The following ANAPC7 variants were observed in gnomAD, a reference collection of about 807,000 sequenced individuals.
ANAPC7 encodes anaphase promoting complex subunit 7, also known as anaphase-promoting complex subunit 7.
A neutral mutation model predicts 63.3 loss-of-function variants in ANAPC7; 25 were observed. The ratio of observed to expected loss-of-function variants is 0.39; its 90% CI spans 0.29 to 0.55. The LOEUF (loss-of-function observed/expected upper bound fraction) is 0.55, where lower values mean the gene tolerates loss of function less well. Among genes scored for constraint, ANAPC7 ranks in the 20% least tolerant of loss-of-function variants. ANAPC7 has a pLI of 0.57. For missense variants in ANAPC7, 516 were observed against 691.7 expected, an observed-to-expected ratio of 0.75 and a Z score of 2.85; for synonymous variants, 241 against 251.7, an observed-to-expected ratio of 0.96 and a Z score of 0.40.
intron 3 of ANAPC7, among the ~76,000 whole-genome samples, chr12:110,392,549 A>G (rs1459109379): frequency 6.6e-6 from 1 of 152,208 alleles, no homozygotes; most frequent in African/African-American, 2.4e-5. Flanking sequence ...AAGTTGCACA[A>G]AACAGTTTTT....
chr12:110,392,942 T>C (rs190147020), intron 3 of ANAPC7, among the ~76,000 whole-genome samples: 44 of 152,256 alleles, frequency 2.9e-4, no homozygotes, highest in African/African-American at 9.4e-4. Context: ...ATTACAGGCA[T>C]GCGCCACCAC....
chr12:110,374,449 AAGCCTGGC>A, intron 10 of ANAPC7, 116 bp from the exon 11 acceptor site: 1 of 978,614 alleles, frequency 1.0e-6, no homozygotes, highest in Non-Finnish European at 1.5e-6. Context: ...AAATGTGCTA[AAGCCTGGC>A]CTCTCCAAAC....
Position 110,401,678 on chromosome 12 carries a change from G to A in ANAPC7, c.101+1849C>T, listed in dbSNP as rs553960135. Among the ~76,000 whole-genome samples, 32 of 152,098 alleles carry A rather than the reference G, an allele frequency of 2.1e-4. 1 individual carries two copies. In the South Asian group the frequency reaches 6.4e-3, roughly 31 times the overall value. On this transcript the variant is annotated intron_variant, in intron 1 of 10. Coordinates refer to ENST00000455511, the MANE Select transcript of ANAPC7 (RefSeq NM_016238.3). ...GGCCGAGGCGGCGGGATCACCAGAGGTCAGGAGTTGAAGACCAGACTGGTC... is the reference window on the plus strand; with the variant it reads ...GGCCGAGGCGGCGGGATCACCAGAGATCAGGAGTTGAAGACCAGACTGGTC...
chr12:110,374,166 T>G lies in ANAPC7; in HGVS notation c.1676A>C (p.Glu559Ala), dbSNP rs771964665. ...DSEAAQWADQ[E>A]QWFGMQ is the part of the protein sequence containing the mutation. Reference sequence around the variant, plus strand: ...CCCTCACTGCATGCCGAACCACTGCTCCTGGTCAGCCCACTGGGCCGCCTC... The same window carrying G: ...CCCTCACTGCATGCCGAACCACTGCGCCTGGTCAGCCCACTGGGCCGCCTC... Residue 559 changes from glutamate to alanine, a missense_variant, in exon 11 of 11, where the codon GAG (glutamate) becomes GCG (alanine). By Grantham distance (107) the Glu-to-Ala change is moderately radical (BLOSUM62 -1). Coordinates refer to ENST00000455511, the MANE Select transcript of ANAPC7 (RefSeq NM_016238.3). 2 of 1,612,718 alleles carry G rather than the reference T, an allele frequency of 1.2e-6. No individual in the cohort carries two copies. Among genetic ancestry groups the G allele is most frequent in the Non-Finnish European group, 1.7e-6 (2 of 1,179,942 alleles).
At chr12:110,382,455 A>ATATATATACATATATATAT (rs1306028353) in intron 7 of ANAPC7, among the ~76,000 whole-genome samples, 2 of 70,492 alleles carry the variant, frequency 2.8e-5, no homozygotes, top group African/African-American at 1.2e-4. Context: ...AAAAAAAAAA[A>ATATATATACATATATATAT]AAAAAAATAT....
In ANAPC7 at chr12:110,386,605, G is replaced by C. The variant is rs1378268121; in HGVS notation, c.675-136C>G. The C allele has an allele frequency of 7.0e-6, 6 of 857,938 alleles. No individual in the cohort carries two copies. In the Admixed American group the frequency reaches 8.7e-5, roughly 12 times the overall value. 53.1% of individuals were successfully genotyped at this position (857,938 alleles called of 1,614,324 possible). ...AATTCTTCGTAATAAAAAACTTTAA[G>C]CTTATGACTTTAAAAAAAGTTATAT... On this transcript the variant is annotated intron_variant, in intron 5 of 10. Transcript: ENST00000455511.
intron 7 of ANAPC7, among the ~76,000 whole-genome samples, 159 bp downstream of exon 7, chr12:110,382,684 C>T (rs1238874863): frequency 1.3e-5 from 2 of 151,588 alleles, no homozygotes; most frequent in African/African-American, 4.8e-5. Flanking sequence ...ATCCACCTGT[C>T]TCAGTCTCCC....
At chr12:110,393,951 T>TCA (rs2137975636) in intron 3 of ANAPC7, among the ~76,000 whole-genome samples, 2 of 143,416 alleles carry the variant, frequency 1.4e-5, no homozygotes, top group East Asian at 4.3e-4. Context: ...GGCAGGCGAA[T>TCA]CACAAAGTCA....
intron 1 of ANAPC7, among the ~76,000 whole-genome samples, chr12:110,401,140 C>G (rs983395717): frequency 1.3e-5 from 2 of 152,208 alleles, no homozygotes; most frequent in Admixed American, 6.5e-5. Context: ...GGACTTTTCC[C>G]TTCTGACCTA....
chr12:110,384,073 G>T (rs1271395849), intron 6 of ANAPC7, among the ~76,000 whole-genome samples: 1 of 151,058 alleles, frequency 6.6e-6, no homozygotes, highest in East Asian at 2.0e-4. Context: ...ACAGTGGCAG[G>T]CGCCTGTAAT....
In ANAPC7 at chr12:110,376,801, A is replaced by G. The variant is rs144994558; in HGVS notation, c.1358-585T>C. On this transcript the variant is annotated intron_variant, in intron 9 of 10. Transcript: ENST00000455511. The stretch of plus-strand genomic sequence containing the variant: ...AATCAGTTAGTTATATTCAGCTCCA[A>G]CTAATTCAGGACAACTCAAACCAGA... 1.4e-3 allele frequency among the ~76,000 whole-genome samples: 206 copies of G among 151,740 alleles called. 1 individual carries two copies. The highest frequency in any genetic ancestry group is 6.9e-3 in the Middle Eastern group (2 of 290).
intron 1 of ANAPC7, among the ~76,000 whole-genome samples, chr12:110,398,757 C>T (rs910498011): frequency 3.3e-5 from 5 of 151,998 alleles, no homozygotes; most frequent in African/African-American, 1.2e-4. Context: ...CAGGACCTGA[C>T]CAACATGGAG....
chr12:110,400,490 C>T (rs898168859), intron 1 of ANAPC7, among the ~76,000 whole-genome samples: 1 of 152,136 alleles, frequency 6.6e-6, no homozygotes, highest in African/African-American at 2.4e-5. Context: ...AGGAAACTGC[C>T]AATCTAACCC....
At position 110,387,842 on chromosome 12, in the gene ANAPC7, T is replaced by C; in HGVS notation, c.571A>G (p.Asn191Asp). The change falls in exon 5 of 11, where the codon AAT (asparagine) becomes GAT (aspartate). Residue 191 changes from asparagine (N) to aspartate (D), a missense_variant. Asn to Asp is a conservative substitution (Grantham distance 23, BLOSUM62 1). This residue lies in a region of ANAPC7 where 199 missense variants were observed against 249.3 expected (regional missense o/e 0.80). Coordinates refer to ENST00000455511, the MANE Select transcript of ANAPC7 (RefSeq NM_016238.3). The part of the protein sequence containing the change: ...KGAEVASMTM[N>D]VIQTVPNLDW... ...AAGTTAGGCACGGTTTGGATCACAT[T>C]CATTGTCATGGATGCCACCTCTGCC... 1 of 1,614,142 alleles carries C rather than the reference T, an allele frequency of 6.2e-7. No homozygotes were observed. Among genetic ancestry groups the C allele is most frequent in the Non-Finnish European group, 8.5e-7 (1 of 1,180,022 alleles).
intron 1 of ANAPC7, among the ~76,000 whole-genome samples, chr12:110,402,407 G>C (rs1033100559): frequency 1.3e-5 from 2 of 151,248 alleles, no homozygotes; most frequent in Non-Finnish European, 2.9e-5. Context: ...TCGGCTCACT[G>C]CAAGCTCCGC....
At chr12:110,387,997 C>A in intron 4 of ANAPC7, 105 bp from the exon 5 acceptor site, 1 of 1,242,836 alleles carries the variant, frequency 8.0e-7, no homozygotes. Context: ...GCAACTGCTT[C>A]CCTATTCTGA....
At chr12:110,381,146 A>G (rs750337645) in intron 8 of ANAPC7, among the ~76,000 whole-genome samples, 2 of 152,086 alleles carry the variant, frequency 1.3e-5, no homozygotes, top group Non-Finnish European at 2.9e-5. Context: ...ATGGGGTGAC[A>G]AATCCAGTGA....
chr12:110,396,275 T>C lies in ANAPC7; in HGVS notation c.279A>G (p.Pro93=). 1 of 1,608,808 alleles carries C rather than the reference T, an allele frequency of 6.2e-7. No individual in the cohort carries two copies. Among genetic ancestry groups the C allele is most frequent in the Non-Finnish European group, 8.5e-7 (1 of 1,178,196 alleles). ...RPSTGNSAST[P]QSQCLPSEIE... Reference sequence around the variant, plus strand: ...TTCTATCTCCAATTACCTGACTTTGTGGAGTAGATGCAGAATTTCCAGTTG... The same window carrying C: ...TTCTATCTCCAATTACCTGACTTTGCGGAGTAGATGCAGAATTTCCAGTTG... Residue 93 remains proline, a synonymous_variant, in exon 2 of 11, where the codon CCA becomes CCG. Transcript: ENST00000455511.
chr12:110,396,976 G>T (rs1054210382), intron 1 of ANAPC7, among the ~76,000 whole-genome samples: 1 of 152,028 alleles, frequency 6.6e-6, no homozygotes, highest in Admixed American at 6.5e-5. Context: ...GGCTGAGGGG[G>T]GCGGATCTCG....
Sources: allele counts gnomAD v4.1 joint callset (sites outside exome capture counted in the v4.1 genomes callset), GRCh38; gene constraint gnomAD v4.1.1; regional missense constraint gnomAD v4.1.1; transcripts MANE v1.5; gene names NCBI Gene and HGNC (gene_info 2026-07-23, HGNC 2026-07-21).